Variants in ESRRB observed in about 807,000 individuals in gnomAD.
The protein encoded by ESRRB is steroid hormone receptor ERR2.
In ESRRB, 16 loss-of-function variants were observed where a neutral mutation model predicts 46.0. The observed-to-expected ratio is 0.35, with a 90% CI of 0.24 to 0.53. The LOEUF (loss-of-function observed/expected upper bound fraction) is 0.53. Ranked by LOEUF, ESRRB falls within the 20% of genes least tolerant of loss-of-function variation. The pLI is 0.93. For missense variants in ESRRB, 488 were observed against 607.4 expected (o/e 0.80, Z 2.07); for synonymous variants, 246 against 259.6 (o/e 0.95, Z 0.50).
intron 1 of ESRRB, among the ~76,000 whole-genome samples, chr14:76,414,418 G>A (rs574168516): frequency 5.9e-5 from 9 of 151,316 alleles, no homozygotes; most frequent in African/African-American, 2.2e-4. Flanking sequence ...ACTTAGAGCA[G>A]TGCCTGGGCG....
At chr14:76,378,562 G>A (rs1329700509) in intron 1 of ESRRB, among the ~76,000 whole-genome samples, 1 of 152,086 alleles carries the variant, frequency 6.6e-6, no homozygotes, top group Non-Finnish European at 1.5e-5. Flanking sequence ...TATACCTGCT[G>A]TCTCCACCGA....
chr14:76,318,052 C>G (rs1241614033), intron 1 of ESRRB, among the ~76,000 whole-genome samples: 1 of 152,148 alleles, frequency 6.6e-6, no homozygotes, highest in Non-Finnish European at 1.5e-5. Context: ...TGTCAGGGTT[C>G]CTTTTTCAAA....
At chr14:76,335,183 T>C (rs896968554) in intron 1 of ESRRB, among the ~76,000 whole-genome samples, 7 of 152,204 alleles carry the variant, frequency 4.6e-5, no homozygotes, top group Non-Finnish European at 1.0e-4. Flanking sequence ...CCTTCACTGA[T>C]ATCCTTGAAT....
intron 1 of ESRRB, among the ~76,000 whole-genome samples, chr14:76,429,076 G>A (rs1713242877): frequency 6.6e-6 from 1 of 151,976 alleles, no homozygotes; most frequent in South Asian, 2.1e-4. Flanking sequence ...CAAATAAAAT[G>A]GCACCACCAC....
chr14:76,341,619 A>G (rs1275853843), intron 1 of ESRRB, among the ~76,000 whole-genome samples: 1 of 152,238 alleles, frequency 6.6e-6, no homozygotes, highest in Non-Finnish European at 1.5e-5. Context: ...AAACAAAAGT[A>G]TGTGCTGTTC....
intron 2 of ESRRB, among the ~76,000 whole-genome samples, chr14:76,441,043 A>G (rs2139937769): frequency 6.6e-6 from 1 of 152,198 alleles, no homozygotes; most frequent in Non-Finnish European, 1.5e-5. Context: ...GTGAGACTCC[A>G]TCTCAAAAAG....
In ESRRB at chr14:76,336,604, G is replaced by C. The variant is rs764704495; in HGVS notation, c.2+25688G>C. 1.2e-4 allele frequency among the ~76,000 whole-genome samples: 18 copies of C among 152,236 alleles called. 1 individual carries two copies. In the Middle Eastern group the frequency reaches 0.01, roughly 86 times the overall value. On this transcript the variant is annotated intron_variant, in intron 1 of 6. Transcript: ENST00000512784. ...CTTCCTTCTATTGTCTTTCCTGCTG[G>C]GGTGACAGAAACCAGCAGTCTGCAC...
intron 1 of ESRRB, among the ~76,000 whole-genome samples, chr14:76,397,159 A>C (rs1205223047): frequency 6.6e-6 from 1 of 152,204 alleles, no homozygotes; most frequent in Non-Finnish European, 1.5e-5. Flanking sequence ...GCGCCTGGTG[A>C]CATTTCTCAT....
chr14:76,499,802 A>G lies in ESRRB; in HGVS notation c.*1344A>G, dbSNP rs1890590569. 1 of 1,396,274 alleles carries G rather than the reference A, an allele frequency of 7.2e-7. No individual in the cohort carries two copies. The highest frequency in any genetic ancestry group is 1.0e-6 in the Non-Finnish European group (1 of 981,404). The allele number at this position is 1,396,274 out of a possible 1,614,324, so 86.5% of individuals were successfully genotyped here. A position where few individuals can be genotyped will look rare whatever the true frequency, so the allele number is the denominator to read the frequency against. ...ACAGTGGGTCACTCTATTTCTGTGG[A>G]TGGCCGTGAAAGTTTTCACTAACTC... On this transcript the variant is annotated 3_prime_UTR_variant, in exon 7 of 7. Transcript: ENST00000644823.
chr14:76,426,858 A>G (rs771407673), intron 1 of ESRRB, among the ~76,000 whole-genome samples: 1 of 152,208 alleles, frequency 6.6e-6, no homozygotes, highest in African/African-American at 2.4e-5. Context: ...TGGGGAGACC[A>G]TGTCGCTACA....
In ESRRB at chr14:76,482,610, T is replaced by C. The variant is rs1332243875; in HGVS notation, c.701T>C (p.Val234Ala). 11 of 1,614,146 alleles carry C rather than the reference T, an allele frequency of 6.8e-6. No homozygotes were observed. The highest frequency in any genetic ancestry group is 9.3e-6 in the Non-Finnish European group (11 of 1,180,020). Residue 234 changes from valine to alanine, a missense_variant, in exon 5 of 7, where the codon GTC (valine) becomes GCC (alanine). Coordinates refer to ENST00000644823, the MANE Select transcript of ESRRB (RefSeq NM_001379180.1). The surrounding 1 kb of genome is among the most constrained non-coding windows in gnomAD (Gnocchi z 4.3). Reference sequence around the variant, plus strand: ...TTGGTTGTTGCAGTGACCAAGATTGTCTCATACCTACTGGTGGCTGAGCCG... The same window carrying C: ...TTGGTTGTTGCAGTGACCAAGATTGCCTCATACCTACTGGTGGCTGAGCCG... ...PPAKKPLTKI[V>A]SYLLVAEPDK...
chr14:76,485,400 G>A (rs1187983750), intron 5 of ESRRB, among the ~76,000 whole-genome samples: 1 of 151,470 alleles, frequency 6.6e-6, no homozygotes, highest in Non-Finnish European at 1.5e-5. Context: ...ACCACCCCTG[G>A]CTAATTTTTT....
chr14:76,439,413 G>A lies in ESRRB; in HGVS notation c.123G>A (p.Pro41=), dbSNP rs1064434. Residue 41 remains proline, a synonymous_variant, in exon 2 of 7, where the codon CCG becomes CCA. Coordinates refer to ENST00000644823, the MANE Select transcript of ESRRB (RefSeq NM_001379180.1). ...GCGGCTCCTTCATCAAGACTGAGCC[G>A]TCCAGCCCGTCCTCGGGCATCGATG... The part of the protein sequence containing the change: ...SSCGSFIKTE[P]SSPSSGIDAL... 12 of 1,613,378 alleles carry A rather than the reference G, an allele frequency of 7.4e-6. No individual in the cohort carries two copies. The South Asian group carries it at 1.1e-4, about 15-fold the overall frequency.
At chr14:76,330,342 AC>A (rs1169622879) in intron 1 of ESRRB, among the ~76,000 whole-genome samples, 1 of 152,220 alleles carries the variant, frequency 6.6e-6, no homozygotes, top group African/African-American at 2.4e-5. Context: ...CCCGCCTGAC[AC>A]AGTGGCAGAG....
intron 3 of ESRRB, among the ~76,000 whole-genome samples, chr14:76,469,352 C>T (rs1298919854): frequency 6.6e-6 from 1 of 152,132 alleles, no homozygotes; most frequent in Non-Finnish European, 1.5e-5. Flanking sequence ...GCCTCAGCCT[C>T]CCCAAGTGCT....
chr14:76,444,157 C>T (rs1416677404), intron 2 of ESRRB, among the ~76,000 whole-genome samples: 1 of 151,880 alleles, frequency 6.6e-6, no homozygotes, highest in Non-Finnish European at 1.5e-5. Flanking sequence ...CTCAGCTTCC[C>T]AAGAAGCTGG....
intron 1 of ESRRB, among the ~76,000 whole-genome samples, chr14:76,433,942 T>A (rs1887557927): frequency 6.6e-6 from 1 of 150,980 alleles, no homozygotes; most frequent in South Asian, 2.1e-4. Flanking sequence ...TGGACTTCTT[T>A]CCCTCTGTCC....
At chr14:76,465,624 T>C (rs1889073974) in intron 3 of ESRRB, among the ~76,000 whole-genome samples, 1 of 152,156 alleles carries the variant, frequency 6.6e-6, no homozygotes, top group South Asian at 2.1e-4. Flanking sequence ...AGCCTCAGTG[T>C]TGACACCCCT....
chr14:76,379,140 C>G (rs1007093851), intron 1 of ESRRB, among the ~76,000 whole-genome samples: 1 of 152,190 alleles, frequency 6.6e-6, no homozygotes, highest in African/African-American at 2.4e-5. Context: ...AACATACGTA[C>G]CTTCCTACCT....
Sources: gnomAD v4.1 joint callset for allele counts (sites outside exome capture counted in the v4.1 genomes callset) on GRCh38, gnomAD v4.1.1 for gene constraint, Gnocchi (gnomAD v3.1) non-coding constraint, MANE v1.5 for transcripts, NCBI Gene and HGNC (gene_info 2026-07-23, HGNC 2026-07-21) for gene names.